Variants in KCNH7 observed in about 807,000 individuals in gnomAD.
KCNH7 encodes potassium voltage-gated channel subfamily H member 7, also known as voltage-gated inwardly rectifying potassium channel KCNH7.
A neutral mutation model predicts 120.8 loss-of-function variants in KCNH7; 49 were observed. That is an observed-to-expected ratio of 0.41 (90% CI 0.32 to 0.51). KCNH7 has a LOEUF of 0.51. KCNH7 is among the 20% of genes least tolerant of loss of function. The pLI, the probability that KCNH7 is intolerant of heterozygous loss-of-function variation, is 0.38. For missense variants in KCNH7, 1,097 were observed against 1,446.6 expected (o/e 0.76, Z 3.92); for synonymous variants, 547 against 516.1 (o/e 1.06, Z -0.81).
intron 9 of KCNH7, among the ~76,000 whole-genome samples, chr2:162,403,536 G>T (rs1447776132): frequency 6.6e-6 from 1 of 151,888 alleles, no homozygotes; most frequent in Non-Finnish European, 1.5e-5. Context: ...GCTTCAGAAA[G>T]TTTTTTCTTA....
In KCNH7 at chr2:162,423,687, C is replaced by T. The variant is rs76128612; in HGVS notation, c.1955-152G>A. The T allele has an allele frequency of 8.2e-3, 5,432 of 658,882 alleles. 244 individuals carry two copies. In the African/African-American group the frequency reaches 0.088, roughly 11 times the overall value. The allele number at this position is 658,882 out of a possible 1,614,324, so 40.8% of individuals were successfully genotyped here. A position where few individuals can be genotyped will look rare whatever the true frequency, so the allele number is the denominator to read the frequency against. On this transcript the variant is annotated intron_variant, in intron 8 of 15. Transcript: ENST00000332142. ...AAAAAAAGAAGTTAAACTAAAACTG[C>T]TTTACATTTCATAATTTTAGTGATA... is the stretch of plus-strand genomic sequence containing the variant.
At chr2:162,648,782 A>T (rs1371483284) in intron 2 of KCNH7, among the ~76,000 whole-genome samples, 2 of 151,914 alleles carry the variant, frequency 1.3e-5, no homozygotes, top group Non-Finnish European at 1.5e-5. Context: ...CCCCAAAAAA[A>T]TTTTGCTCAC....
chr2:162,605,176 C>G (rs1240025139), intron 2 of KCNH7, among the ~76,000 whole-genome samples: 1 of 152,040 alleles, frequency 6.6e-6, no homozygotes, highest in East Asian at 1.9e-4. Flanking sequence ...TTAGAAGCTT[C>G]TTTAAGACAG....
intron 9 of KCNH7, among the ~76,000 whole-genome samples, chr2:162,407,956 G>T (rs144688813): frequency 6.6e-6 from 1 of 152,010 alleles, no homozygotes; most frequent in Non-Finnish European, 1.5e-5. Context: ...ATCACGTATC[G>T]TATTTTAGCA....
chr2:162,498,392 T>C (rs1022593751), intron 6 of KCNH7, among the ~76,000 whole-genome samples: 2 of 151,888 alleles, frequency 1.3e-5, no homozygotes, highest in Non-Finnish European at 2.9e-5. Context: ...TTATGTAGTG[T>C]TTCTCCAAGT....
At chr2:162,753,031 A>AAGAAAAGGTTATGCGC in intron 2 of KCNH7, among the ~76,000 whole-genome samples, 1 of 127,840 alleles carries the variant, frequency 7.8e-6, no homozygotes, top group South Asian at 2.5e-4. Flanking sequence ...AAGAAAAGAA[A>AAGAAAAGGTTATGCGC]CCCTGACTAA....
At chr2:162,657,170 G>A (rs559772508) in intron 2 of KCNH7, among the ~76,000 whole-genome samples, 4 of 152,128 alleles carry the variant, frequency 2.6e-5, no homozygotes, top group Admixed American at 6.6e-5. Flanking sequence ...ATCATCCAAA[G>A]TCCATAGTTT....
intron 2 of KCNH7, among the ~76,000 whole-genome samples, chr2:162,703,683 T>A (rs1314165241): frequency 6.6e-6 from 1 of 152,136 alleles, no homozygotes; most frequent in African/African-American, 2.4e-5. Context: ...GATTAAAAAA[T>A]ACAGAAGCAT....
intron 2 of KCNH7, among the ~76,000 whole-genome samples, chr2:162,669,777 T>C (rs1224061108): frequency 6.6e-6 from 1 of 152,128 alleles, no homozygotes; most frequent in Non-Finnish European, 1.5e-5. Flanking sequence ...CAAATGTCAA[T>C]AGTGCTGAGG....
chr2:162,491,605 G>A (rs1458475038), intron 6 of KCNH7, among the ~76,000 whole-genome samples: 1 of 152,184 alleles, frequency 6.6e-6, no homozygotes, highest in Non-Finnish European at 1.5e-5. Context: ...GGTAAATGTG[G>A]ATAATTCCCA....
chr2:162,699,880 T>G (rs983539177), intron 2 of KCNH7, among the ~76,000 whole-genome samples: 1 of 152,102 alleles, frequency 6.6e-6, no homozygotes, highest in Non-Finnish European at 1.5e-5. Flanking sequence ...CCTCCACTCT[T>G]TGTTTTCTGA....
chr2:162,715,115 G>C (rs1032550320), intron 2 of KCNH7, among the ~76,000 whole-genome samples: 4 of 152,126 alleles, frequency 2.6e-5, no homozygotes, highest in Non-Finnish European at 1.5e-5. Flanking sequence ...TTACTATAAA[G>C]AAATACCTGA....
At position 162,785,915 on chromosome 2, in the gene KCNH7, C is replaced by T. The variant is rs1683683330; in HGVS notation, c.307+50622G>A. Among the ~76,000 whole-genome samples, 3 of 152,062 alleles carry T rather than the reference C, an allele frequency of 2.0e-5. No individual in the cohort carries two copies. The South Asian group carries it at 6.2e-4, about 32-fold the overall frequency. ...AATTTTTCAAATTATTTAATAAACT[C>T]TCCCTTTCAATGGTTTGACAAACTT... is the stretch of plus-strand genomic sequence containing the variant. On this transcript the variant is annotated intron_variant, in intron 2 of 15. Transcript: ENST00000332142.
At chr2:162,697,244 T>C (rs1253322616) in intron 2 of KCNH7, among the ~76,000 whole-genome samples, 2 of 152,142 alleles carry the variant, frequency 1.3e-5, no homozygotes, top group African/African-American at 4.8e-5. Flanking sequence ...CCAGTCTGAA[T>C]CCATCTGCCA....
chr2:162,544,779 T>C (rs1450909180), intron 2 of KCNH7, among the ~76,000 whole-genome samples: 2 of 152,142 alleles, frequency 1.3e-5, no homozygotes, highest in East Asian at 3.9e-4. Context: ...AGACACCATC[T>C]ATTTGTCCAG....
At chr2:162,618,540 T>C (rs1312764059) in intron 2 of KCNH7, among the ~76,000 whole-genome samples, 2 of 152,288 alleles carry the variant, frequency 1.3e-5, no homozygotes, top group East Asian at 1.9e-4. Context: ...AATAAAACTA[T>C]ATCCAATTTT....
intron 2 of KCNH7, among the ~76,000 whole-genome samples, chr2:162,655,942 T>C (rs1219381383): frequency 1.3e-5 from 2 of 152,196 alleles, no homozygotes; most frequent in Non-Finnish European, 2.9e-5. Flanking sequence ...ACATCTCTCA[T>C]AGGAACAGCT....
chr2:162,619,553 T>C (rs1261045759), intron 2 of KCNH7, among the ~76,000 whole-genome samples: 1 of 151,898 alleles, frequency 6.6e-6, no homozygotes, highest in Non-Finnish European at 1.5e-5. Flanking sequence ...GCTAATCTAG[T>C]AATGATTTCC....
At chr2:162,517,675 T>C in intron 4 of KCNH7, 55 bp downstream of exon 4, 1 of 1,338,560 alleles carries the variant, frequency 7.5e-7, no homozygotes, top group Non-Finnish European at 1.0e-6. Flanking sequence ...AATATGCAAA[T>C]AATCATTTAT....
Sources: gnomAD v4.1 joint callset for allele counts (sites outside exome capture counted in the v4.1 genomes callset) on GRCh38, gnomAD v4.1.1 for gene constraint, MANE v1.5 for transcripts, NCBI Gene and HGNC (gene_info 2026-07-23, HGNC 2026-07-21) for gene names.